Variants in XXYLT1 observed in about 807,000 individuals in gnomAD.
XXYLT1 encodes the protein UDP-xylose:alpha-xyloside alpha-1,3-xylosyltransferase.
XXYLT1 carries 20 observed loss-of-function variants against 28.9 expected under a neutral mutation model. The ratio of observed to expected loss-of-function variants is 0.69; its 90% CI spans 0.49 to 1.00. The LOEUF is 1.00. Among genes scored for constraint, XXYLT1 ranks in the 50% least tolerant of loss-of-function variants. XXYLT1 has a pLI of 0.00. For synonymous variants in XXYLT1, 257 were observed against 253.8 expected (o/e 1.01, Z -0.12); for missense variants, 542 against 560.1 (o/e 0.97, Z 0.33).
Position 195,180,125 on chromosome 3 carries a change from A to G in XXYLT1, c.653-23544T>C, listed in dbSNP as rs868703656. 6.6e-6 allele frequency among the ~76,000 whole-genome samples: 1 copy of G among 152,174 alleles called. No homozygotes were observed. Among genetic ancestry groups the G allele is most frequent in the Non-Finnish European group, 1.5e-5 (1 of 68,006 alleles). On this transcript the variant is annotated intron_variant, in intron 2 of 3. Transcript: ENST00000310380. This position sits in a 1 kb window ranked among gnomAD's most constrained non-coding sequence, Gnocchi z 5.8. ...TCTGGCAGAGCACCGCTGACCCGTCATGGAAGGAGGGGAGCAAACAAGAGG... is the reference window on the plus strand; with the variant it reads ...TCTGGCAGAGCACCGCTGACCCGTCGTGGAAGGAGGGGAGCAAACAAGAGG...
At chr3:195,251,962 C>T (rs973816514) in intron 1 of XXYLT1, among the ~76,000 whole-genome samples, 19 of 152,172 alleles carry the variant, frequency 1.2e-4, no homozygotes, top group African/African-American at 4.1e-4. Flanking sequence ...GGGAACCACC[C>T]GGCCATCTCT....
chr3:195,177,352 A>T (rs112255581), intron 2 of XXYLT1, among the ~76,000 whole-genome samples: 1 of 152,184 alleles, frequency 6.6e-6, no homozygotes, highest in Admixed American at 6.5e-5. Context: ...GATGACCTCA[A>T]ATGAATGAAT....
At position 195,124,850 on chromosome 3, in the gene XXYLT1, G is replaced by A. The variant is rs1442664163; in HGVS notation, c.785+31599C>T. ...CTCCGGGAAGGCTGGAGTCTGAGCC[G>A]GCACTGGCAGCGTTTTTCACGGACG... On this transcript the variant is annotated intron_variant, in intron 3 of 3. Transcript: ENST00000310380. This position sits in a 1 kb window ranked among gnomAD's most constrained non-coding sequence, Gnocchi z 4.1. Among the ~76,000 whole-genome samples the A allele has an allele frequency of 1.3e-5, 2 of 152,128 alleles. No individual in the cohort carries two copies. Among genetic ancestry groups the A allele is most frequent in the African/African-American group, 2.4e-5 (1 of 41,422 alleles).
chr3:195,120,288 C>CCCT (rs1553805996), intron 3 of XXYLT1, among the ~76,000 whole-genome samples: 3 of 142,278 alleles, frequency 2.1e-5, no homozygotes, highest in Non-Finnish European at 4.7e-5. Context: ...TCAGATGCCC[C>CCCT]CCCCGCCCCA....
Position 195,252,717 on chromosome 3 carries a change from C to CAGAGAGAG in XXYLT1, c.504+17837_504+17838insCTCTCTCT, listed in dbSNP as rs1309512804. On this transcript the variant is annotated intron_variant, in intron 1 of 3. Transcript: ENST00000310380. ...CCACACACACACACACACACACACA[C>CAGAGAGAG]ACACACACACAGAGAGAGAGAGAGA... Among the ~76,000 whole-genome samples the CAGAGAGAG allele has an allele frequency of 2.1e-3, 292 of 139,478 alleles. 4 individuals carry two copies. Among genetic ancestry groups the CAGAGAGAG allele is most frequent in the African/African-American group, 8.7e-3 (280 of 32,264 alleles). The allele number at this position is 139,478 out of a possible 152,430, so 91.5% of individuals were successfully genotyped here. A position where few individuals can be genotyped will look rare whatever the true frequency, so the allele number is the denominator to read the frequency against.
At chr3:195,073,366 C>T (rs145206170) in intron 3 of XXYLT1, among the ~76,000 whole-genome samples, 2,173 of 152,272 alleles carry the variant, frequency 0.014, 40 homozygotes, top group African/African-American at 0.033. Flanking sequence ...GGGCTGACAA[C>T]GTATATTCAG....
intron 1 of XXYLT1, among the ~76,000 whole-genome samples, chr3:195,235,752 C>A (rs919309823): frequency 6.6e-6 from 1 of 152,112 alleles, no homozygotes; most frequent in African/African-American, 2.4e-5. Context: ...CATACCAAGC[C>A]CAGCAATGCC....
At chr3:195,169,722 A>G (rs904035223) in intron 2 of XXYLT1, among the ~76,000 whole-genome samples, 2 of 152,162 alleles carry the variant, frequency 1.3e-5, no homozygotes, top group South Asian at 2.1e-4. Context: ...TTTCTACTAT[A>G]TACAAACACA....
At chr3:195,149,992 G>T (rs1720103796) in intron 3 of XXYLT1, among the ~76,000 whole-genome samples, 2 of 152,162 alleles carry the variant, frequency 1.3e-5, no homozygotes, top group African/African-American at 2.4e-5. Context: ...TAGGAAAGGG[G>T]TTAAGATGCT....
At position 195,077,079 on chromosome 3, in the gene XXYLT1, C is replaced by T. The variant is rs909438260; in HGVS notation, c.786-6968G>A. 1.3e-5 allele frequency among the ~76,000 whole-genome samples: 2 copies of T among 152,202 alleles called. No homozygotes were observed. The highest frequency in any genetic ancestry group is 4.8e-5 in the African/African-American group (2 of 41,454). ...TCACTGTCCAGGGACTCAGAGGACA[C>T]CTGTGGGGCCCAGAACTGCCCTCAG... On this transcript the variant is annotated intron_variant, in intron 3 of 3. Coordinates refer to ENST00000310380, the MANE Select transcript of XXYLT1 (RefSeq NM_152531.5). The surrounding 1 kb of genome is among the most constrained non-coding windows in gnomAD (Gnocchi z 4.8).
At chr3:195,227,766 C>A (rs1267665061) in intron 1 of XXYLT1, among the ~76,000 whole-genome samples, 1 of 152,194 alleles carries the variant, frequency 6.6e-6, no homozygotes, top group Non-Finnish European at 1.5e-5. Flanking sequence ...CTCTTTCCAC[C>A]ATAAACGCAT....
chr3:195,102,369 C>G (rs1460357991), intron 3 of XXYLT1, among the ~76,000 whole-genome samples: 1 of 152,000 alleles, frequency 6.6e-6, no homozygotes, highest in Admixed American at 6.5e-5. Context: ...ACACATGAAC[C>G]CTCTAGACCC....
chr3:195,225,932 C>A (rs1724029370), intron 2 of XXYLT1, among the ~76,000 whole-genome samples: 1 of 152,296 alleles, frequency 6.6e-6, no homozygotes, highest in East Asian at 1.9e-4. Context: ...GAGGCCTCCC[C>A]AGCCATGCTG....
intron 3 of XXYLT1, among the ~76,000 whole-genome samples, chr3:195,154,608 G>A (rs1720461525): frequency 6.6e-6 from 1 of 152,058 alleles, no homozygotes; most frequent in African/African-American, 2.4e-5. Context: ...CCCTCCCAAG[G>A]GCTTGCAGGC....
chr3:195,264,056 CAGG>C (rs1398567336), intron 1 of XXYLT1, among the ~76,000 whole-genome samples: 2 of 152,188 alleles, frequency 1.3e-5, no homozygotes, highest in Admixed American at 1.3e-4. Flanking sequence ...CTCCTTAAGG[CAGG>C]AGGATCTATG....
rs116550317 is a variant in XXYLT1 at position 195,070,051 on chromosome 3, G to A, written c.846C>T (p.Pro282=). 7.4e-4 allele frequency: 1,187 copies of A among 1,597,814 alleles called. 2 individuals are homozygous for A. Among genetic ancestry groups the A allele is most frequent in the Non-Finnish European group, 9.2e-4 (1,090 of 1,178,392 alleles). ...CGCTGTTGAAGCCCGGCAGCCCCTC[G>A]GGGGGCGGGCCCCCAACCCGGGTCT... The part of the protein sequence containing the change: ...NPQTRVGGPP[P]EGLPGFNSGV... Residue 282 remains proline (P), a synonymous_variant, in exon 4 of 4, where the codon CCC becomes CCT. Coordinates refer to ENST00000310380, the MANE Select transcript of XXYLT1 (RefSeq NM_152531.5).
At chr3:195,100,269 G>A (rs1017915893) in intron 3 of XXYLT1, among the ~76,000 whole-genome samples, 12 of 152,152 alleles carry the variant, frequency 7.9e-5, no homozygotes, top group Non-Finnish European at 1.3e-4. Context: ...ACTGGTCTCC[G>A]AATCTCCTGC....
intron 3 of XXYLT1, among the ~76,000 whole-genome samples, chr3:195,079,360 G>C (rs1288620531): frequency 6.6e-6 from 1 of 152,072 alleles, no homozygotes; most frequent in East Asian, 1.9e-4. Context: ...GGAGAGCTGA[G>C]TATTCTGTAC....
chr3:195,085,669 G>A (rs747549674), intron 3 of XXYLT1, among the ~76,000 whole-genome samples: 1 of 152,232 alleles, frequency 6.6e-6, no homozygotes, highest in Non-Finnish European at 1.5e-5. Flanking sequence ...AATCCTAGTA[G>A]AGTTCCAGAC....
Sources: allele counts gnomAD v4.1 joint callset (sites outside exome capture counted in the v4.1 genomes callset), GRCh38; gene constraint gnomAD v4.1.1; non-coding constraint Gnocchi (gnomAD v3.1); transcripts MANE v1.5; gene names NCBI Gene and HGNC (gene_info 2026-07-23, HGNC 2026-07-21).